The following CREB5 variants were observed in gnomAD, a reference collection of about 807,000 sequenced individuals.
CREB5 encodes cAMP responsive element binding protein 5.
Under a neutral mutation model 57.1 loss-of-function variants are expected in CREB5, and 19 were observed. That is an observed-to-expected ratio of 0.33 (90% CI 0.23 to 0.49). CREB5 has a LOEUF of 0.49. Ranked by LOEUF, CREB5 falls within the 20% of genes least tolerant of loss-of-function variation. The probability of loss-of-function intolerance (pLI) is 0.99; values close to 1 mark genes in which losing one functional copy is unlikely to be tolerated. For missense variants in CREB5, 579 were observed against 671.6 expected, an observed-to-expected ratio of 0.86 and a Z score of 1.52; for synonymous variants, 238 against 238.3, an observed-to-expected ratio of 1.00 and a Z score of 0.01.
At chr7:28,722,835 A>G (rs983174165) in intron 6 of CREB5, among the ~76,000 whole-genome samples, 2 of 152,226 alleles carry the variant, frequency 1.3e-5, no homozygotes, top group African/African-American at 4.8e-5. Context: ...CACAGGGAGT[A>G]GCCACCAGTC....
intron 5 of CREB5, among the ~76,000 whole-genome samples, chr7:28,599,954 C>T (rs188558803): frequency 3.0e-4 from 46 of 152,178 alleles, no homozygotes; most frequent in African/African-American, 1.0e-3. Flanking sequence ...ATAAAGACCA[C>T]AGGGGATCAA....
At chr7:28,804,056 A>G in intron 7 of CREB5, 143 bp from the exon 8 acceptor site, 2 of 742,796 alleles carry the variant, frequency 2.7e-6, no homozygotes, top group Non-Finnish European at 4.4e-6. Context: ...TTGTACTGGT[A>G]GCAAGATAGC....
At chr7:28,349,224 AGTTATAACCTTATAAGGAAG>A (rs1228284370) in intron 1 of CREB5, among the ~76,000 whole-genome samples, 2 of 152,216 alleles carry the variant, frequency 1.3e-5, no homozygotes, top group Non-Finnish European at 2.9e-5. Flanking sequence ...TTCGGAAAGT[AGTTATAACCTTATAAGGAAG>A]GTTAAAAGAA....
rs1236361510 is a variant in CREB5, at chr7:28,804,223, C to G, written c.727C>G (p.His243Asp). 1.2e-6 allele frequency: 2 copies of G among 1,613,782 alleles called. No homozygotes were observed. The highest frequency in any genetic ancestry group is 1.7e-6 in the Non-Finnish European group (2 of 1,179,738). ...KMRLKAALTH[H>D]PAAMSNGNMN... The stretch of plus-strand genomic sequence containing the variant: ...GAGGTTGAAGGCTGCATTGACTCAC[C>G]ACCCTGCTGCCATGTCAAATGGGAA... The change falls in exon 8 of 11, where the codon CAC (histidine) becomes GAC (aspartate). Residue 243 changes from histidine to aspartate, a missense_variant. By Grantham distance (81) the His-to-Asp change is moderately conservative. Transcript: ENST00000357727.
chr7:28,597,775 T>C (rs1437379454), intron 5 of CREB5, among the ~76,000 whole-genome samples: 1 of 152,050 alleles, frequency 6.6e-6, no homozygotes. Flanking sequence ...TGGAGAGGAT[T>C]CCCTCTCGAA....
intron 4 of CREB5, among the ~76,000 whole-genome samples, chr7:28,560,811 T>TGCGCGCGCGCGCGTGTGTGCGTGC (rs1795067380): frequency 2.9e-5 from 1 of 34,414 alleles, no homozygotes; most frequent in African/African-American, 7.9e-5. Flanking sequence ...TGTGTGCGCG[T>TGCGCGCGCGCGCGTGTGTGCGTGC]GTGTGTGTGT....
intron 7 of CREB5, among the ~76,000 whole-genome samples, chr7:28,797,503 T>A (rs1387295617): frequency 6.6e-6 from 1 of 152,222 alleles, no homozygotes; most frequent in Non-Finnish European, 1.5e-5. Flanking sequence ...CCTTCCAACC[T>A]GGCGGACTTA....
At chr7:28,455,295 C>T (rs966325778) in intron 1 of CREB5, among the ~76,000 whole-genome samples, 4 of 152,134 alleles carry the variant, frequency 2.6e-5, no homozygotes, top group African/African-American at 9.7e-5. Context: ...AGCTTCCTAC[C>T]TGTTGGAGGA....
At chr7:28,817,191 CTCAA>C (rs1809489257) in intron 9 of CREB5, among the ~76,000 whole-genome samples, 2 of 152,102 alleles carry the variant, frequency 1.3e-5, no homozygotes, top group Non-Finnish European at 2.9e-5. Context: ...AATCAATGAA[CTCAA>C]TCAAATTAAT....
At chr7:28,641,002 T>C (rs1459092564) in intron 5 of CREB5, among the ~76,000 whole-genome samples, 1 of 152,114 alleles carries the variant, frequency 6.6e-6, no homozygotes, top group African/African-American at 2.4e-5. Flanking sequence ...TTTTAGAAGG[T>C]TGGTTTTCCC....
intron 5 of CREB5, among the ~76,000 whole-genome samples, chr7:28,647,192 A>G (rs574818534): frequency 1.3e-3 from 190 of 151,402 alleles, no homozygotes; most frequent in African/African-American, 4.3e-3. Context: ...GCCAGACACC[A>G]GGGCTTGCCA....
At chr7:28,458,577 A>G (rs76650670) in intron 1 of CREB5, among the ~76,000 whole-genome samples, 5,395 of 152,316 alleles carry the variant, frequency 0.035, 341 homozygotes, top group African/African-American at 0.12. Flanking sequence ...GGCTGTGTCA[A>G]GAGAGGGATC....
chr7:28,715,905 G>C (rs933888790), intron 5 of CREB5, among the ~76,000 whole-genome samples: 1 of 152,028 alleles, frequency 6.6e-6, no homozygotes, highest in Non-Finnish European at 1.5e-5. Flanking sequence ...ACCCTGAAAG[G>C]CTATCTTAAT....
intron 7 of CREB5, among the ~76,000 whole-genome samples, chr7:28,772,210 C>T (rs889868223): frequency 2.6e-5 from 4 of 152,170 alleles, no homozygotes; most frequent in African/African-American, 4.8e-5. Flanking sequence ...CTGCTTCAGA[C>T]GGCTAGACAC....
chr7:28,468,814 T>C (rs575456640), intron 1 of CREB5, among the ~76,000 whole-genome samples: 19 of 152,332 alleles, frequency 1.2e-4, no homozygotes, highest in African/African-American at 4.6e-4. Context: ...ACCTATGAGG[T>C]AGTTGTCATT....
chr7:28,732,885 T>G (rs1011782312), intron 7 of CREB5, among the ~76,000 whole-genome samples: 4 of 151,144 alleles, frequency 2.6e-5, no homozygotes, highest in Non-Finnish European at 5.9e-5. Flanking sequence ...AATCTTGAAA[T>G]TTAAACTACG....
At chr7:28,368,467 C>A (rs915596566) in intron 1 of CREB5, among the ~76,000 whole-genome samples, 1 of 152,180 alleles carries the variant, frequency 6.6e-6, no homozygotes, top group Non-Finnish European at 1.5e-5. Context: ...CTGGGCCCTG[C>A]CTACCTTTCT....
chr7:28,624,669 C>T (rs1367815006), intron 5 of CREB5, among the ~76,000 whole-genome samples: 1 of 114,090 alleles, frequency 8.8e-6, no homozygotes, highest in African/African-American at 3.8e-5. Flanking sequence ...GTTCCGCCAA[C>T]AGACGTGAAA....
At position 28,820,938 on chromosome 7, in the gene CREB5, C is replaced by G. The variant is rs1229155959; in HGVS notation, c.*1659C>G. ...AATTATTCTGATTTATTTTCAACAA[C>G]TTTTGTGAACTTGCCCGTGATACAA... is the stretch of plus-strand genomic sequence containing the variant. On this transcript the variant is annotated 3_prime_UTR_variant, in exon 11 of 11. Coordinates refer to ENST00000357727, the MANE Select transcript of CREB5 (RefSeq NM_182898.4). The G allele has an allele frequency of 1.3e-5, 2 of 152,626 alleles. No homozygotes were observed. Among genetic ancestry groups the G allele is most frequent in the Non-Finnish European group, 2.9e-5 (2 of 68,054 alleles). The allele number at this position is 152,626 out of a possible 1,614,324, so 9.5% of individuals were successfully genotyped here. A position where few individuals can be genotyped will look rare whatever the true frequency, so the allele number is the denominator to read the frequency against.
Sources: allele counts gnomAD v4.1 joint callset (sites outside exome capture counted in the v4.1 genomes callset), GRCh38; gene constraint gnomAD v4.1.1; transcripts MANE v1.5; gene names NCBI Gene and HGNC (gene_info 2026-07-23, HGNC 2026-07-21).